Variants in SNAPC4 observed in about 807,000 individuals in gnomAD.
SNAPC4 encodes snRNA-activating protein complex subunit 4.
A neutral mutation model predicts 151.3 loss-of-function variants in SNAPC4; 127 were observed. The ratio of observed to expected loss-of-function variants is 0.84; its 90% CI spans 0.73 to 0.97. SNAPC4 has a LOEUF of 0.97. Among genes scored for constraint, SNAPC4 ranks in the 50% least tolerant of loss-of-function variants. The pLI is 0.00. For missense variants in SNAPC4, 2,186 were observed against 1,935.0 expected (o/e 1.13, Z -2.43); for synonymous variants, 1,002 against 824.4 (o/e 1.22, Z -3.69).
intron 13 of SNAPC4, among the ~76,000 whole-genome samples, chr9:136,385,216 C>A (rs754201503): frequency 6.6e-6 from 1 of 152,178 alleles, no homozygotes; most frequent in Non-Finnish European, 1.5e-5. Flanking sequence ...CACAGGGAAG[C>A]GCACGTCAAA....
intron 13 of SNAPC4, among the ~76,000 whole-genome samples, chr9:136,387,249 T>A (rs1029969109): frequency 6.6e-6 from 1 of 152,208 alleles, no homozygotes; most frequent in Non-Finnish European, 1.5e-5. Flanking sequence ...GCCCATGCGT[T>A]GCTCCGGCAG....
intron 10 of SNAPC4, 142 bp downstream of exon 10, chr9:136,391,800 G>T: frequency 1.1e-6 from 1 of 889,088 alleles, no homozygotes; most frequent in Non-Finnish European, 1.7e-6. Flanking sequence ...CCTTCCCTAG[G>T]GCCACAGCCT....
Position 136,381,331 on chromosome 9 carries a change from CAG to C in SNAPC4, c.2377_2378del (p.Leu793ValfsTer246), listed in dbSNP as rs1833682920. 9 of 1,612,434 alleles carry C rather than the reference CAG, an allele frequency of 5.6e-6. No individual in the cohort carries two copies. The highest frequency in any genetic ancestry group is 6.8e-6 in the Non-Finnish European group (8 of 1,179,456). ...TGCCCAAGTAGCTTACCTGGGTAAA[CAG>C]GGTAAACACAGGGGTGCTGGCCAGG... ...ARLASTPVFT[L>X]FTQLFHIDTA... On this transcript the variant is annotated frameshift_variant, in exon 19 of 24. Coordinates refer to ENST00000684778, the MANE Select transcript of SNAPC4 (RefSeq NM_003086.4). LOFTEE classifies it high-confidence loss of function.
In SNAPC4 at chr9:136,378,697, G is replaced by A. The variant is rs562966324; in HGVS notation, c.3130C>T (p.Leu1044Phe). The A allele has an allele frequency of 4.9e-5, 74 of 1,497,056 alleles. No homozygotes were observed. Among genetic ancestry groups the A allele is most frequent in the Non-Finnish European group, 6.5e-5 (73 of 1,122,940 alleles). The allele number at this position is 1,497,056 out of a possible 1,614,324, so 92.7% of individuals were successfully genotyped here. Residue 1044 changes from leucine to phenylalanine, a missense_variant, in exon 22 of 24, where the codon CTC (leucine) becomes TTC (phenylalanine). Transcript: ENST00000684778. ...GGGGTGGGGCTGGGGGCTGCGGGGA[G>A]AAAGGGTGGCGCCTCAGGCAGGCCC... ...KQGLPEAPPFLPAAPSPTPLP... is the reference protein window; with the variant it reads ...KQGLPEAPPFFPAAPSPTPLP...
rs758708804 is a variant in SNAPC4 at position 136,397,042 on chromosome 9, A to T, written c.131-19T>A. 5.0e-6 allele frequency: 8 copies of T among 1,610,922 alleles called. No individual in the cohort carries two copies. In the East Asian group the frequency reaches 1.6e-4, roughly 31 times the overall value. ...AGTGAATCTGTCAGAAACACAAGCA[A>T]CACCGTGTTGGTAACCAGCGTCTTG... On this transcript the variant is annotated intron_variant, in intron 2 of 23. Transcript: ENST00000684778.
At chr9:136,394,538 T>C (rs780496422) in intron 6 of SNAPC4, among the ~76,000 whole-genome samples, 2 of 152,178 alleles carry the variant, frequency 1.3e-5, no homozygotes, top group African/African-American at 2.4e-5. Flanking sequence ...CACAGGGCTT[T>C]GCGGCCCAAG....
At chr9:136,392,178 A>C in intron 9 of SNAPC4, 72 bp from the exon 10 acceptor site, 2 of 1,575,274 alleles carry the variant, frequency 1.3e-6, no homozygotes, top group Admixed American at 3.3e-5. Flanking sequence ...CTCCAGGCTG[A>C]GCTGTTGCTC....
intron 4 of SNAPC4, 87 bp from the exon 5 acceptor site, chr9:136,395,510 G>A (rs1436611457): frequency 6.4e-7 from 1 of 1,566,944 alleles, no homozygotes; most frequent in African/African-American, 1.4e-5. Context: ...AGGAGAGGCA[G>A]GGAGCTGGGG....
At chr9:136,394,711 CTGAGAACTTGG>C in intron 6 of SNAPC4, 78 bp downstream of exon 6, 1 of 1,214,222 alleles carries the variant, frequency 8.2e-7, no homozygotes, top group Non-Finnish European at 1.2e-6. Context: ...AGAGAGAGGT[CTGAGAACTTGG>C]GGAGAAACTG....
In SNAPC4 at chr9:136,388,472, G is replaced by A. The variant is rs752583567; in HGVS notation, c.1095C>T (p.Arg365=). Reference sequence around the variant, plus strand: ...TGCGGTAGGGGATGTGGCTGCCGACGCGCATCTCCTGCACCAGCTGCGTGA... The same window carrying A: ...TGCGGTAGGGGATGTGGCTGCCGACACGCATCTCCTGCACCAGCTGCGTGA... ...RMLTQLVQEM[R]VGSHIPYRRI... The change falls in exon 11 of 24, where the codon CGC becomes CGT. Residue 365 remains arginine, a synonymous_variant. Coordinates refer to ENST00000684778, the MANE Select transcript of SNAPC4 (RefSeq NM_003086.4). The A allele has an allele frequency of 3.1e-5, 50 of 1,613,366 alleles. No individual in the cohort carries two copies. In the South Asian group the frequency reaches 3.8e-4, roughly 12 times the overall value.
At position 136,395,254 on chromosome 9, in the gene SNAPC4, C is replaced by T. The variant is rs371819871; in HGVS notation, c.471+44G>A. On this transcript the variant is annotated intron_variant, in intron 5 of 23. Coordinates refer to ENST00000684778, the MANE Select transcript of SNAPC4 (RefSeq NM_003086.4). Reference sequence around the variant, plus strand: ...GACTTGGGGACAAGAACCCTTCCCACGGTGCAGAGCCTTGCCGACAAGAGC... The same window carrying T: ...GACTTGGGGACAAGAACCCTTCCCATGGTGCAGAGCCTTGCCGACAAGAGC... 33 of 1,587,454 alleles carry T rather than the reference C, an allele frequency of 2.1e-5. 1 individual carries two copies. The highest frequency in any genetic ancestry group is 2.0e-4 in the South Asian group (18 of 88,552).
At chr9:136,380,933 C>T (rs1833667143) in intron 19 of SNAPC4, 83 bp from the exon 20 acceptor site, 1 of 805,906 alleles carries the variant, frequency 1.2e-6, no homozygotes. Context: ...GAACCTGGGG[C>T]AGCCCTGAGG....
At chr9:136,386,976 C>T (rs1320637218) in intron 13 of SNAPC4, among the ~76,000 whole-genome samples, 1 of 152,174 alleles carries the variant, frequency 6.6e-6, no homozygotes, top group Non-Finnish European at 1.5e-5. Flanking sequence ...TTGACCTGGC[C>T]TCAAGTGATC....
intron 13 of SNAPC4, among the ~76,000 whole-genome samples, chr9:136,385,216 C>T (rs754201503): frequency 1.3e-5 from 2 of 152,178 alleles, no homozygotes; most frequent in Non-Finnish European, 2.9e-5. Flanking sequence ...CACAGGGAAG[C>T]GCACGTCAAA....
chr9:136,378,645 G>T lies in SNAPC4; in HGVS notation c.3182C>A (p.Thr1061Lys). Residue 1061 changes from threonine to lysine, a missense_variant, in exon 22 of 24, where the codon ACG (threonine) becomes AAG (lysine). Thr to Lys is a moderately conservative substitution (Grantham distance 78). Transcript: ENST00000684778. The stretch of plus-strand genomic sequence containing the variant: ...CGCCACATGTGGCCCTCCTATGTGC[G>T]TCAGGCTGAGGGGCTGGACGGGCAG... ...TPLPVQPLSL[T>K]HIGGPHVATS... The T allele has an allele frequency of 2.6e-6, 4 of 1,536,556 alleles. No individual in the cohort carries two copies. Among genetic ancestry groups the T allele is most frequent in the Non-Finnish European group, 3.5e-6 (4 of 1,144,000 alleles).
intron 7 of SNAPC4, among the ~76,000 whole-genome samples, chr9:136,393,133 G>A (rs1834139562): frequency 6.6e-6 from 1 of 152,222 alleles, no homozygotes; most frequent in African/African-American, 2.4e-5. Flanking sequence ...GAGGAGGCCA[G>A]AGGCTGTGAG....
At position 136,395,342 on chromosome 9, in the gene SNAPC4, C is replaced by T; in HGVS notation, c.427G>A (p.Gly143Arg). Residue 143 changes from glycine to arginine, a missense_variant, in exon 5 of 24, where the codon GGG becomes AGG. By Grantham distance (125) the Gly-to-Arg change is moderately radical. Transcript: ENST00000684778. ...TTGAAATACGGCTTCATGAAGTGCCCCATGTATGTGCTTGGGGGCAGGCTT... is the reference window on the plus strand; with the variant it reads ...TTGAAATACGGCTTCATGAAGTGCCTCATGTATGTGCTTGGGGGCAGGCTT... ...GKSLPPSTYM[G>R]HFMKPYFKDK... 6.2e-7 allele frequency: 1 copy of T among 1,613,656 alleles called. No individual in the cohort carries two copies. Among genetic ancestry groups the T allele is most frequent in the South Asian group, 1.1e-5 (1 of 91,084 alleles).
At chr9:136,390,554 G>GGA (rs1377953502) in intron 10 of SNAPC4, among the ~76,000 whole-genome samples, 1 of 48,814 alleles carries the variant, frequency 2.0e-5, no homozygotes, top group Non-Finnish European at 3.4e-5. Context: ...GACTCTGTTT[G>GGA]AAAAAAAAAA....
chr9:136,400,076 G>T (rs1255558730), intron 1 of SNAPC4, 58 bp downstream of exon 1: 2 of 152,136 alleles, frequency 1.3e-5, no homozygotes, highest in Non-Finnish European at 2.9e-5. Flanking sequence ...CCCTCCACGG[G>T]GAGAGCCCTG....
Sources: gnomAD v4.1 joint callset for allele counts (sites outside exome capture counted in the v4.1 genomes callset) on GRCh38, gnomAD v4.1.1 for gene constraint, MANE v1.5 for transcripts, NCBI Gene and HGNC (gene_info 2026-07-23, HGNC 2026-07-21) for gene names.